WDR90: variants seen among roughly 807,000 people sequenced by gnomAD.
The protein encoded by WDR90 is WD repeat-containing protein 90.
Under a neutral mutation model 195.2 loss-of-function variants are expected in WDR90, and 238 were observed. The ratio of observed to expected loss-of-function variants is 1.22; its 90% CI spans 1.10 to 1.36. The LOEUF (loss-of-function observed/expected upper bound fraction) is 1.36. WDR90 is among the 40% of genes most tolerant of loss of function. The pLI, the probability that WDR90 is intolerant of heterozygous loss-of-function variation, is 0.00. For missense variants in WDR90, 2,734 were observed against 2,439.5 expected (o/e 1.12, Z -2.54); for synonymous variants, 1,265 against 1,052.4 (o/e 1.20, Z -3.91).
chr16:667,323 G>A, intron 40 of WDR90, 109 bp from the exon 41 acceptor site: 1 of 1,428,364 alleles, frequency 7.0e-7, no homozygotes, highest in Non-Finnish European at 9.3e-7. Flanking sequence ...TTTAGCACCA[G>A]CTCCCCCGAC....
At chr16:661,002 C>CT in intron 28 of WDR90, 49 bp from the exon 29 acceptor site, 2 of 64,806 alleles carry the variant, frequency 3.1e-5, no homozygotes, top group South Asian at 3.5e-4. Context: ...CCCTCCCCGC[C>CT]CCCCCCCCCC....
chr16:658,454 A>G, intron 22 of WDR90, 71 bp from the exon 23 acceptor site: 1 of 1,579,382 alleles, frequency 6.3e-7, no homozygotes, highest in Non-Finnish European at 8.6e-7. Flanking sequence ...CCACACCCAC[A>G]ACGAAGGGAG....
intron 34 of WDR90, chr16:663,175 T>C (rs1305056690): frequency 2.5e-6 from 1 of 407,186 alleles, no homozygotes; most frequent in Non-Finnish European, 4.9e-6. Context: ...TGGTGGTTCA[T>C]GCCTGTGATC....
In WDR90 at chr16:662,799, G is replaced by T. The variant is rs758263038; in HGVS notation, c.4266G>T (p.Trp1422Cys). The change falls in exon 34 of 41, where the codon TGG (tryptophan) becomes TGT (cysteine). Residue 1422 changes from tryptophan (W) to cysteine (C), a missense_variant. Trp to Cys is a radical substitution (Grantham distance 215, BLOSUM62 -2). Coordinates refer to ENST00000293879, the MANE Select transcript of WDR90 (RefSeq NM_145294.5). Reference protein sequence around the residue: ...TTAGTLWFVSWAEGTSTRLIS... With the variant: ...TTAGTLWFVSCAEGTSTRLIS... The stretch of plus-strand genomic sequence containing the variant: ...CGGGCACGCTGTGGTTTGTCAGCTG[G>T]GCCGAGGGCACCAGCACACGTCTCA... The T allele has an allele frequency of 6.2e-7, 1 of 1,600,382 alleles. No homozygotes were observed. The highest frequency in any genetic ancestry group is 8.5e-7 in the Non-Finnish European group (1 of 1,174,336).
In WDR90 at chr16:657,213, G is replaced by A. The variant is rs771430035; in HGVS notation, c.2465G>A (p.Arg822Gln). ...GCGGACCCCCAGTGGCATGTCCTCCGAGTGGCAGGTTGGGCCCCCTGCAGC... is the reference window on the plus strand; with the variant it reads ...GCGGACCCCCAGTGGCATGTCCTCCAAGTGGCAGGTTGGGCCCCCTGCAGC... ...SCADPQWHVL[R>Q]VAADMVCPDA... The change falls in exon 20 of 41, where the codon CGA becomes CAA. Residue 822 changes from arginine (R) to glutamine (Q), a missense_variant. Physicochemically the swap from Arg to Gln is conservative, Grantham distance 43 (BLOSUM62 1). Transcript: ENST00000293879. 2.0e-5 allele frequency: 31 copies of A among 1,547,246 alleles called. No homozygotes were observed. The highest frequency in any genetic ancestry group is 1.2e-4 in the Admixed American group (6 of 51,238).
At chr16:651,619 A>T in intron 7 of WDR90, 25 bp from the exon 8 acceptor site, 1 of 1,607,942 alleles carries the variant, frequency 6.2e-7, no homozygotes. Flanking sequence ...CCCCTGGGTC[A>T]CTGGGGTTCT....
chr16:655,159 G>A lies in WDR90; in HGVS notation c.1556+12G>A, dbSNP rs774397189. The A allele has an allele frequency of 2.0e-5, 33 of 1,612,272 alleles. No individual in the cohort carries two copies. Among genetic ancestry groups the A allele is most frequent in the Middle Eastern group, 1.6e-4 (1 of 6,082 alleles). ...TTTGATGAAACCAGGTGATGCAGCCGCCCATCCACGATGTTGGGAGAGGGT... is the reference window on the plus strand; with the variant it reads ...TTTGATGAAACCAGGTGATGCAGCCACCCATCCACGATGTTGGGAGAGGGT... On this transcript the variant is annotated intron_variant, in intron 14 of 40. Coordinates refer to ENST00000293879, the MANE Select transcript of WDR90 (RefSeq NM_145294.5).
Position 658,907 on chromosome 16 carries a change from C to T in WDR90, c.2907C>T (p.Gly969=), listed in dbSNP as rs1161738909. The T allele has an allele frequency of 1.9e-6, 3 of 1,612,106 alleles. No individual in the cohort carries two copies. The highest frequency in any genetic ancestry group is 1.7e-6 in the Non-Finnish European group (2 of 1,179,964). Reference sequence around the variant, plus strand: ...GCCGCTACCCCTAGGTGTACATCGGCCACTCGGAACCCGTGCAGGCTGTGG... The same window carrying T: ...GCCGCTACCCCTAGGTGTACATCGGTCACTCGGAACCCGTGCAGGCTGTGG... ...QASPGPQVYI[G]HSEPVQAVAF... The change falls in exon 24 of 41, where the codon GGC becomes GGT. Residue 969 remains glycine (G), a synonymous_variant. Coordinates refer to ENST00000293879, the MANE Select transcript of WDR90 (RefSeq NM_145294.5).
rs755855657 is a variant in WDR90 at position 650,309 on chromosome 16, C to T, written c.335C>T (p.Thr112Met). ...AACCTCTTCAAGGAGTTTAAGTCTA[C>T]GGCCACGTGGCTCCAGTTTCCCTTG... ...FSNLFKEFKSTATWLQFPLVL... is the reference protein window; with the variant it reads ...FSNLFKEFKSMATWLQFPLVL... The change falls in exon 4 of 41, where the codon ACG becomes ATG. Residue 112 changes from threonine to methionine, a missense_variant. Physicochemically the swap from Thr to Met is moderately conservative, Grantham distance 81. Transcript: ENST00000293879. 73 of 1,612,878 alleles carry T rather than the reference C, an allele frequency of 4.5e-5. No individual in the cohort carries two copies. The highest frequency in any genetic ancestry group is 1.6e-4 in the Middle Eastern group (1 of 6,082).
chr16:660,165 G>A lies in WDR90; in HGVS notation c.3288+4G>A, dbSNP rs745430988. 6.6e-7 allele frequency: 1 copy of A among 1,515,000 alleles called. No homozygotes were observed. Among genetic ancestry groups the A allele is most frequent in the Non-Finnish European group, 8.9e-7 (1 of 1,125,300 alleles). The allele number at this position is 1,515,000 out of a possible 1,614,324, so 93.8% of individuals were successfully genotyped here. On this transcript the variant is annotated splice_donor_region_variant and intron_variant, in intron 27 of 40. Coordinates refer to ENST00000293879, the MANE Select transcript of WDR90 (RefSeq NM_145294.5). ...CTGCAGCCCCCACTCTGCCAAGGTGGGGAGTGGTTTCTGGGAGCCCTCTTT... is the reference window on the plus strand; with the variant it reads ...CTGCAGCCCCCACTCTGCCAAGGTGAGGAGTGGTTTCTGGGAGCCCTCTTT...
At chr16:657,734 A>G (rs2037791079) in intron 20 of WDR90, 28 bp from the exon 21 acceptor site, 1 of 1,525,014 alleles carries the variant, frequency 6.6e-7, no homozygotes, top group East Asian at 2.5e-5. Flanking sequence ...CTCCCCACCC[A>G]GCTGACCCCT....
chr16:655,733 T>C (rs2037737399), intron 16 of WDR90, 30 bp downstream of exon 16: 1 of 1,582,404 alleles, frequency 6.3e-7, no homozygotes, highest in Non-Finnish European at 8.6e-7. Flanking sequence ...GTGGCCAGGG[T>C]GGCAGGGACA....
chr16:657,368 C>T, intron 20 of WDR90, 147 bp downstream of exon 20: 1 of 1,253,692 alleles, frequency 8.0e-7, no homozygotes, highest in African/African-American at 1.5e-5. Flanking sequence ...GTAACCTTGT[C>T]AAGGCCCTGA....
intron 20 of WDR90, 186 bp downstream of exon 20, chr16:657,407 C>G: frequency 9.8e-7 from 1 of 1,018,308 alleles, no homozygotes; most frequent in Non-Finnish European, 1.4e-6. Flanking sequence ...TTCACTGGAC[C>G]CCAAGGCCAG....
chr16:660,535 C>T (rs1416609963), intron 27 of WDR90, 77 bp from the exon 28 acceptor site: 7 of 1,439,678 alleles, frequency 4.9e-6, no homozygotes, highest in Admixed American at 2.0e-5. Flanking sequence ...TGCCCCAACA[C>T]AGCCTCCCAT....
At position 666,740 on chromosome 16, in the gene WDR90, T is replaced by C; in HGVS notation, c.4952T>C (p.Val1651Ala). Residue 1651 changes from valine (V) to alanine (A), a missense_variant, in exon 39 of 41, where the codon GTG (valine) becomes GCG (alanine). Val to Ala is a moderately conservative substitution (Grantham distance 64). Coordinates refer to ENST00000293879, the MANE Select transcript of WDR90 (RefSeq NM_145294.5). ...TGGGATGGGGCGCTCCTGATGTACG[T>C]GGGCCCCGGTGTTTACAAGGAGGTG... ...CPWDGALLMY[V>A]GPGVYKEVII... The C allele has an allele frequency of 6.2e-7, 1 of 1,612,824 alleles. No individual in the cohort carries two copies. The highest frequency in any genetic ancestry group is 8.5e-7 in the Non-Finnish European group (1 of 1,179,960).
chr16:653,953 G>T (rs969649426), intron 13 of WDR90, 150 bp downstream of exon 13: 4 of 967,362 alleles, frequency 4.1e-6, no homozygotes, highest in Non-Finnish European at 6.1e-6. Context: ...GCACTCTGGT[G>T]TTCATGCCGC....
chr16:655,895 G>A lies in WDR90; in HGVS notation c.1966+6G>A. 6.3e-7 allele frequency: 1 copy of A among 1,588,626 alleles called. No homozygotes were observed. The highest frequency in any genetic ancestry group is 1.1e-5 in the South Asian group (1 of 88,178). ...CTCGGTGCTCCTGGAGGCAGGTGAT[G>A]CTGTGGGCACGCTCTCCCAACTCCG... On this transcript the variant is annotated splice_donor_region_variant and intron_variant, in intron 17 of 40. Transcript: ENST00000293879.
chr16:663,914 A>G (rs1483016838), intron 34 of WDR90, among the ~76,000 whole-genome samples: 2 of 152,120 alleles, frequency 1.3e-5, no homozygotes, highest in African/African-American at 4.8e-5. Flanking sequence ...CTGTGGGTGT[A>G]AGAGCTCTGC....
Sources: gnomAD v4.1 joint callset for allele counts (sites outside exome capture counted in the v4.1 genomes callset) on GRCh38, gnomAD v4.1.1 for gene constraint, MANE v1.5 for transcripts, NCBI Gene and HGNC (gene_info 2026-07-23, HGNC 2026-07-21) for gene names.